Variants in GPN1 observed in about 807,000 individuals in gnomAD.
GPN1 encodes the protein ATP(GTP)-binding protein.
A neutral mutation model predicts 55.9 loss-of-function variants in GPN1; 44 were observed. The observed-to-expected ratio is 0.79, with a 90% confidence interval of 0.62 to 1.01. GPN1 has a LOEUF of 1.01. GPN1 is among the 50% of genes least tolerant of loss of function. GPN1 has a pLI of 0.00. For synonymous variants in GPN1, 179 were observed against 162.5 expected (o/e 1.10, Z -0.77); for missense variants, 466 against 462.8 (o/e 1.01, Z -0.06).
In GPN1 at chr2:27,642,507, G is replaced by A; in HGVS notation, c.919G>A (p.Gly307Arg). 1 of 1,606,426 alleles carries A rather than the reference G, an allele frequency of 6.2e-7. No homozygotes were observed. The highest frequency in any genetic ancestry group is 8.5e-7 in the Non-Finnish European group (1 of 1,173,090). Residue 307 changes from glycine to arginine, a missense_variant, in exon 12 of 14, where the codon GGG (glycine) becomes AGG (arginine). Transcript: ENST00000610189. ...KDMGSVALDA[G>R]TAKDSLSPVL... ...TATGGGTTCTGTAGCCTTGGATGCAGGGACTGCCAAAGGTATTGGAGGGTT... is the reference window on the plus strand; with the variant it reads ...TATGGGTTCTGTAGCCTTGGATGCAAGGACTGCCAAAGGTATTGGAGGGTT...
chr2:27,631,050 A>C lies in GPN1; in HGVS notation c.229A>C (p.Lys77Gln). The C allele has an allele frequency of 7.2e-7, 1 of 1,379,892 alleles. No homozygotes were observed. The highest frequency in any genetic ancestry group is 1.0e-6 in the Non-Finnish European group (1 of 968,424). 85.5% of individuals were successfully genotyped at this position (1,379,892 alleles called of 1,614,324 possible). A position where few individuals can be genotyped will look rare whatever the true frequency, so the allele number is the denominator to read the frequency against. ...AGATATTCGTGATACTGTAAAGTAT[A>C]AAGAAGTAATGAAACAGTATCCTTT... ...NIDIRDTVKYKEVMKQYGLGP... is the reference protein window; with the variant it reads ...NIDIRDTVKYQEVMKQYGLGP... The change falls in exon 3 of 14, where the codon AAA becomes CAA. Residue 77 changes from lysine (K) to glutamine (Q), a missense_variant. Lys to Gln is a moderately conservative substitution (Grantham distance 53). Transcript: ENST00000610189.
In GPN1 at chr2:27,635,213, C is replaced by G; in HGVS notation, c.503C>G (p.Ser168Cys). The G allele has an allele frequency of 6.3e-7, 1 of 1,575,398 alleles. No homozygotes were observed. Among genetic ancestry groups the G allele is most frequent in the Non-Finnish European group, 8.7e-7 (1 of 1,145,148 alleles). Residue 168 changes from serine to cysteine, a missense_variant, in exon 7 of 14, where the codon TCC becomes TGC. Physicochemically the swap from Ser to Cys is moderately radical, Grantham distance 112. Coordinates refer to ENST00000610189, the MANE Select transcript of GPN1 (RefSeq NM_007266.4). The stretch of plus-strand genomic sequence containing the variant: ...AGTACCAACCCAGTGACCTTCATGT[C>G]CAACATGCTCTATGCCTGCAGGTAA... The part of the protein sequence containing the change: ...SRSTNPVTFM[S>C]NMLYACSILY...
At chr2:27,635,300 C>CTTATTTT in intron 7 of GPN1, 66 bp downstream of exon 7, 1 of 520,138 alleles carries the variant, frequency 1.9e-6, no homozygotes, top group Non-Finnish European at 3.2e-6. Flanking sequence ...TCTTCTTCCT[C>CTTATTTT]TTTTTTTTTT....
intron 2 of GPN1, 123 bp downstream of exon 2, chr2:27,630,075 C>G: frequency 1.5e-6 from 1 of 657,068 alleles, no homozygotes; most frequent in South Asian, 1.6e-5. Flanking sequence ...ATCACGAGGT[C>G]AGGAGTTCAA....
Position 27,647,912 on chromosome 2 carries a change from A to C in GPN1, c.1008A>C (p.Ala336=). ...RGTLDEEDEE[A]DSDTDDIDHR... is the part of the protein sequence containing the mutation. ...CCTTGGATGAAGAGGATGAGGAAGC[A>C]GACAGCGATACTGATGACATTGACC... Residue 336 remains alanine (A), a synonymous_variant, in exon 13 of 14, where the codon GCA becomes GCC. Coordinates refer to ENST00000610189, the MANE Select transcript of GPN1 (RefSeq NM_007266.4). 1 of 1,612,544 alleles carries C rather than the reference A, an allele frequency of 6.2e-7. No homozygotes were observed. The highest frequency in any genetic ancestry group is 1.3e-5 in the African/African-American group (1 of 75,030).
In GPN1 at chr2:27,642,952, T is replaced by TACACAC. The variant is rs1419636770; in HGVS notation, c.931+434_931+435insCACACA. 8.4e-3 allele frequency among the ~76,000 whole-genome samples: 318 copies of TACACAC among 38,028 alleles called. 1 individual carries two copies. Among genetic ancestry groups the TACACAC allele is most frequent in the African/African-American group, 0.016 (306 of 19,526 alleles). The allele number at this position is 38,028 out of a possible 152,430, so 24.9% of individuals were successfully genotyped here. On this transcript the variant is annotated intron_variant, in intron 12 of 13. Transcript: ENST00000610189. Reference sequence around the variant, plus strand: ...TAAAGGAAATGTGGTTTTATATATATATATATACACACACACACACACACA... The same window carrying TACACAC: ...TAAAGGAAATGTGGTTTTATATATATACACACATATATACACACACACACACACACA...
At chr2:27,631,435 T>G (rs752504934) in intron 3 of GPN1, 3 of 416,120 alleles carry the variant, frequency 7.2e-6, no homozygotes, top group African/African-American at 4.0e-5. Context: ...AATTGCTGTA[T>G]GAAATGTGTA....
Position 27,648,085 on chromosome 2 carries a change from G to A in GPN1, c.1039+142G>A. On this transcript the variant is annotated intron_variant, in intron 13 of 13. Transcript: ENST00000610189. ...ACCAGAAAAGAGTTTCCTATATTGA[G>A]AGTTCCTGTCCTGCCTACTGGATGG... The A allele has an allele frequency of 4.8e-6, 3 of 625,542 alleles. No homozygotes were observed. In the South Asian group the frequency reaches 5.6e-5, roughly 12 times the overall value. 38.7% of individuals were successfully genotyped at this position (625,542 alleles called of 1,614,324 possible). A position where few individuals can be genotyped will look rare whatever the true frequency, so the allele number is the denominator to read the frequency against.
In GPN1 at chr2:27,631,051, A is replaced by G. The variant is rs776479955; in HGVS notation, c.230A>G (p.Lys77Arg). 70 of 1,381,658 alleles carry G rather than the reference A, an allele frequency of 5.1e-5. No individual in the cohort carries two copies. The South Asian group carries it at 8.1e-4, about 16-fold the overall frequency. The allele number at this position is 1,381,658 out of a possible 1,614,324, so 85.6% of individuals were successfully genotyped here. A position where few individuals can be genotyped will look rare whatever the true frequency, so the allele number is the denominator to read the frequency against. Residue 77 changes from lysine (K) to arginine (R), a missense_variant, in exon 3 of 14, where the codon AAA becomes AGA. Transcript: ENST00000610189. ...GATATTCGTGATACTGTAAAGTATAAAGAAGTAATGAAACAGTATCCTTTT... is the reference window on the plus strand; with the variant it reads ...GATATTCGTGATACTGTAAAGTATAGAGAAGTAATGAAACAGTATCCTTTT... Reference protein sequence around the residue: ...NIDIRDTVKYKEVMKQYGLGP... With the variant: ...NIDIRDTVKYREVMKQYGLGP...
At chr2:27,628,510 T>C (rs1427081070), upstream of GPN1, 1 of 1,551,254 alleles carries the variant, frequency 6.4e-7, no homozygotes, top group Non-Finnish European at 8.7e-7. Flanking sequence ...GCGGGAACAA[T>C]GTGCAAGTGT....
At chr2:27,648,078 A>G (rs951039107) in intron 13 of GPN1, 135 bp downstream of exon 13, 13 of 629,414 alleles carry the variant, frequency 2.1e-5, no homozygotes, top group African/African-American at 3.6e-5. Context: ...AGAGTTTCCT[A>G]TATTGAGAGT....
rs1674501161 is a variant in GPN1 at position 27,650,871 on chromosome 2, G to T, written c.*671G>T. ...ACTTTGTTCTAAGACTGCTTGTCAT[G>T]ATTTCAAATTAGAAAATTATATAAT... On this transcript the variant is annotated 3_prime_UTR_variant, in exon 14 of 14. Coordinates refer to ENST00000610189, the MANE Select transcript of GPN1 (RefSeq NM_007266.4). 2 of 152,774 alleles carry T rather than the reference G, an allele frequency of 1.3e-5. No individual in the cohort carries two copies. The highest frequency in any genetic ancestry group is 4.8e-5 in the African/African-American group (2 of 41,458). 9.5% of individuals were successfully genotyped at this position (152,774 alleles called of 1,614,324 possible).
At chr2:27,629,344 T>C (rs1269976231) in intron 1 of GPN1, 175 bp downstream of exon 1, 1 of 1,534,474 alleles carries the variant, frequency 6.5e-7, no homozygotes, top group Non-Finnish European at 8.8e-7. Flanking sequence ...CCTAGCCAGG[T>C]TAATTAAGGC....
intron 4 of GPN1, 118 bp from the exon 5 acceptor site, chr2:27,632,515 G>C (rs1483462442): frequency 1.6e-5 from 12 of 744,954 alleles, no homozygotes; most frequent in Middle Eastern, 2.3e-4. Flanking sequence ...CAAATGTTCA[G>C]TAGGTGATTG....
chr2:27,629,000 C>A, upstream of GPN1: 2 of 1,608,648 alleles, frequency 1.2e-6, no homozygotes, highest in Non-Finnish European at 8.5e-7. Flanking sequence ...CAGAACATTG[C>A]GGAAGTTTCT....
intron 12 of GPN1, 55 bp downstream of exon 12, chr2:27,642,574 T>G: frequency 1.0e-6 from 1 of 983,120 alleles, no homozygotes; most frequent in Non-Finnish European, 1.6e-6. Context: ...CTTCTTTCTT[T>G]TATTTATTTA....
chr2:27,647,920 A>T lies in GPN1; in HGVS notation c.1016A>T (p.Asp339Val). 6.2e-7 allele frequency: 1 copy of T among 1,610,650 alleles called. No homozygotes were observed. The highest frequency in any genetic ancestry group is 8.5e-7 in the Non-Finnish European group (1 of 1,176,804). ...GAAGAGGATGAGGAAGCAGACAGCGATACTGATGACATTGACCACAGAGGT... is the reference window on the plus strand; with the variant it reads ...GAAGAGGATGAGGAAGCAGACAGCGTTACTGATGACATTGACCACAGAGGT... ...LDEEDEEADS[D>V]TDDIDHRVTE... The change falls in exon 13 of 14, where the codon GAT becomes GTT. Residue 339 changes from aspartate (D) to valine (V), a missense_variant. Asp to Val is a radical substitution (Grantham distance 152). Transcript: ENST00000610189.
At position 27,631,855 on chromosome 2, in the gene GPN1, C is replaced by T. The variant is rs146210206; in HGVS notation, c.267C>T (p.Gly89=). ...VMKQYGLGPN[G]GIVTSLNLFA... is the part of the protein sequence containing the mutation. ...CTAGATATGGACTTGGACCCAATGGCGGCATAGTGACCTCACTCAATCTCT... is the reference window on the plus strand; with the variant it reads ...CTAGATATGGACTTGGACCCAATGGTGGCATAGTGACCTCACTCAATCTCT... The change falls in exon 4 of 14, where the codon GGC becomes GGT. Residue 89 remains glycine (G), a synonymous_variant. Transcript: ENST00000610189. 3.9e-4 allele frequency: 622 copies of T among 1,600,786 alleles called. No individual in the cohort carries two copies. Among genetic ancestry groups the T allele is most frequent in the Admixed American group, 8.2e-4 (49 of 60,000 alleles).
At chr2:27,628,656 C>T (rs781611356), upstream of GPN1, 2 of 1,551,564 alleles carry the variant, frequency 1.3e-6, no homozygotes, top group Admixed American at 3.9e-5. Context: ...CCGAATAAGC[C>T]CGAGCAGCCG....
Sources: gnomAD v4.1 joint callset for allele counts (sites outside exome capture counted in the v4.1 genomes callset) on GRCh38, gnomAD v4.1.1 for gene constraint, MANE v1.5 for transcripts, NCBI Gene and HGNC (gene_info 2026-07-23, HGNC 2026-07-21) for gene names.